The following PCDH9 variants were observed in gnomAD, a reference collection of about 807,000 sequenced individuals.
PCDH9 encodes the protein protocadherin 9.
In PCDH9, 24 loss-of-function variants were observed where a neutral mutation model predicts 70.6. The observed-to-expected ratio is 0.34, with a 90% CI of 0.25 to 0.48. The LOEUF (loss-of-function observed/expected upper bound fraction) is 0.48. PCDH9 is among the 20% of genes least tolerant of loss of function. The pLI is 0.99. For synonymous variants in PCDH9, 562 were observed against 558.5 expected (o/e 1.01, Z -0.09); for missense variants, 1,281 against 1,503.6 (o/e 0.85, Z 2.45).
intron 3 of PCDH9, among the ~76,000 whole-genome samples, chr13:66,889,916 G>T (rs1272034762): frequency 6.6e-6 from 1 of 152,234 alleles, no homozygotes; most frequent in Non-Finnish European, 1.5e-5. Flanking sequence ...TGAGTTTGGG[G>T]ATAGCATTTG....
At chr13:66,897,174 C>T (rs1452597264) in intron 3 of PCDH9, among the ~76,000 whole-genome samples, 4 of 151,186 alleles carry the variant, frequency 2.6e-5, no homozygotes, top group African/African-American at 9.7e-5. Flanking sequence ...ATAACGTTGC[C>T]TCTGGTATAC....
chr13:66,669,308 C>G (rs2078140537), intron 3 of PCDH9, among the ~76,000 whole-genome samples: 1 of 152,150 alleles, frequency 6.6e-6, no homozygotes, highest in South Asian at 2.1e-4. Flanking sequence ...CCTCAGCAAA[C>G]AAGTATGAAA....
At chr13:67,026,458 T>C (rs1430588268) in intron 2 of PCDH9, among the ~76,000 whole-genome samples, 1 of 152,068 alleles carries the variant, frequency 6.6e-6, no homozygotes, top group Non-Finnish European at 1.5e-5. Context: ...GCCCATATCA[T>C]ACTGAATGGG....
chr13:66,869,123 T>C (rs2081626981), intron 3 of PCDH9, among the ~76,000 whole-genome samples: 1 of 152,166 alleles, frequency 6.6e-6, no homozygotes, highest in Non-Finnish European at 1.5e-5. Flanking sequence ...CAGTCAGTCA[T>C]GGTTCAAGAC....
chr13:66,871,482 A>G (rs1278959902), intron 3 of PCDH9, among the ~76,000 whole-genome samples: 1 of 152,096 alleles, frequency 6.6e-6, no homozygotes, highest in African/African-American at 2.4e-5. Flanking sequence ...TCCTCTTCAC[A>G]CAGAGGAGAA....
intron 3 of PCDH9, among the ~76,000 whole-genome samples, chr13:66,739,313 G>T (rs1009768678): frequency 8.0e-6 from 1 of 124,958 alleles, no homozygotes; most frequent in African/African-American, 2.8e-5. Context: ...TCACCACCAG[G>T]CCTGCCCTAA....
intron 3 of PCDH9, among the ~76,000 whole-genome samples, chr13:66,683,663 A>C (rs1396533040): frequency 6.6e-6 from 1 of 152,172 alleles, no homozygotes; most frequent in Non-Finnish European, 1.5e-5. Context: ...CTAAGGAAAA[A>C]ATATAGGGTT....
chr13:66,464,487 C>A (rs1002286217), intron 4 of PCDH9, among the ~76,000 whole-genome samples: 1 of 151,878 alleles, frequency 6.6e-6, no homozygotes, highest in Admixed American at 6.6e-5. Flanking sequence ...TTCTAAAGAG[C>A]ATTTTGTAAA....
chr13:66,736,842 T>A lies in PCDH9; in HGVS notation c.3139-105431A>T, dbSNP rs183632967. 5.2e-3 allele frequency among the ~76,000 whole-genome samples: 790 copies of A among 152,360 alleles called. 8 individuals carry two copies. Among genetic ancestry groups the A allele is most frequent in the Non-Finnish European group, 8.1e-3 (554 of 68,030 alleles). On this transcript the variant is annotated intron_variant, in intron 3 of 4. Coordinates refer to ENST00000377865, the MANE Select transcript of PCDH9 (RefSeq NM_203487.3). ...TGAATCCAATCTGTCATGCAGAAAC[T>A]AGCTCTCTTCATAAAGACTTAACTA...
intron 4 of PCDH9, among the ~76,000 whole-genome samples, chr13:66,394,340 C>T (rs1370616167): frequency 1.3e-5 from 2 of 152,176 alleles, no homozygotes; most frequent in East Asian, 1.9e-4. Flanking sequence ...CTATGTTTTC[C>T]AGAAAGAAGT....
chr13:66,821,113 T>C (rs906575192), intron 3 of PCDH9, among the ~76,000 whole-genome samples: 2 of 152,224 alleles, frequency 1.3e-5, no homozygotes, highest in East Asian at 1.9e-4. Flanking sequence ...TATTTACATT[T>C]TGTAAATGTT....
chr13:66,811,033 T>C (rs953836151), intron 3 of PCDH9, among the ~76,000 whole-genome samples: 3 of 152,134 alleles, frequency 2.0e-5, no homozygotes, highest in Admixed American at 2.0e-4. Flanking sequence ...TGAAAATTTA[T>C]TGTAGTTTCA....
rs1335241154 is a variant in PCDH9, at chr13:66,392,773, A to G, written c.3341-87745T>C. On this transcript the variant is annotated intron_variant, in intron 4 of 4. Transcript: ENST00000377865. ...AAAATGCTACAAAGGTAGCATCTTT[A>G]TATTTCTGAATTGCCCCACCATGAC... 3.3e-5 allele frequency among the ~76,000 whole-genome samples: 5 copies of G among 152,136 alleles called. No individual in the cohort carries two copies. In the East Asian group the frequency reaches 9.6e-4, roughly 29 times the overall value.
At chr13:67,041,074 G>T (rs1161641136) in intron 2 of PCDH9, among the ~76,000 whole-genome samples, 1 of 151,832 alleles carries the variant, frequency 6.6e-6, no homozygotes, top group Non-Finnish European at 1.5e-5. Context: ...AAAAAAAAAA[G>T]ATTAGATATA....
chr13:67,216,305 C>A (rs900531452), intron 2 of PCDH9: 5 of 151,758 alleles, frequency 3.3e-5, no homozygotes, highest in African/African-American at 1.2e-4. Flanking sequence ...CATTTAAGAC[C>A]AAGAATGAAA....
At chr13:66,885,772 A>G (rs1339745360) in intron 3 of PCDH9, among the ~76,000 whole-genome samples, 2 of 152,210 alleles carry the variant, frequency 1.3e-5, no homozygotes, top group Non-Finnish European at 2.9e-5. Flanking sequence ...AGAATGGAAG[A>G]ATTGTAATAC....
At chr13:66,934,877 C>T (rs1054754753) in intron 2 of PCDH9, among the ~76,000 whole-genome samples, 9 of 148,200 alleles carry the variant, frequency 6.1e-5, no homozygotes, top group African/African-American at 2.0e-4. Context: ...CCCGCTACCA[C>T]GCCCGGCTAA....
At chr13:66,512,610 C>T (rs1157416429) in intron 4 of PCDH9, among the ~76,000 whole-genome samples, 1 of 151,952 alleles carries the variant, frequency 6.6e-6, no homozygotes, top group Non-Finnish European at 1.5e-5. Flanking sequence ...ATTACTTTGT[C>T]AGTTTGCCTA....
intron 4 of PCDH9, among the ~76,000 whole-genome samples, chr13:66,475,086 T>C (rs769799665): frequency 1.9e-4 from 29 of 152,202 alleles, no homozygotes; most frequent in Non-Finnish European, 3.8e-4. Context: ...AGATTAGTTA[T>C]ATAAAATTTC....
Sources: gnomAD v4.1 joint callset for allele counts (sites outside exome capture counted in the v4.1 genomes callset) on GRCh38, gnomAD v4.1.1 for gene constraint, MANE v1.5 for transcripts, NCBI Gene and HGNC (gene_info 2026-07-23, HGNC 2026-07-21) for gene names.